Variants in SRL observed in about 807,000 individuals in gnomAD.
SRL encodes the protein sarcalumenin.
In SRL, 23 loss-of-function variants were observed where a neutral mutation model predicts 39.5. The observed-to-expected ratio is 0.58, with a 90% confidence interval of 0.42 to 0.82. The LOEUF is 0.82. SRL is among the 40% of genes least tolerant of loss of function. The pLI is 0.00. For missense variants in SRL, 592 were observed against 607.8 expected (o/e 0.97, Z 0.27); for synonymous variants, 272 against 237.4 (o/e 1.15, Z -1.34).
At chr16:4,213,406 T>TTTTCTTTTTCTTTTC (rs1175723411) in intron 1 of SRL, among the ~76,000 whole-genome samples, 1 of 114,054 alleles carries the variant, frequency 8.8e-6, no homozygotes, top group African/African-American at 4.0e-5. Context: ...TTCTTTTTCT[T>TTTTCTTTTTCTTTTC]TTTTTTTTTT....
chr16:4,228,749 AAAAG>A (rs1023346360), intron 1 of SRL, among the ~76,000 whole-genome samples: 5 of 151,988 alleles, frequency 3.3e-5, no homozygotes, highest in African/African-American at 9.7e-5. Context: ...AAAAAAGAAA[AAAAG>A]AAAGAAAAAG....
intron 1 of SRL, among the ~76,000 whole-genome samples, chr16:4,216,442 T>G (rs372269418): frequency 1.3e-5 from 2 of 152,150 alleles, no homozygotes; most frequent in East Asian, 1.9e-4. Flanking sequence ...CGGCTAATTT[T>G]TGTATTTTTT....
chr16:4,241,876 T>G, intron 1 of SRL, 131 bp downstream of exon 1: 1 of 932,664 alleles, frequency 1.1e-6, no homozygotes, highest in East Asian at 2.6e-5. Flanking sequence ...AAGAGAAGGG[T>G]AAGAAGACAC....
chr16:4,191,322 C>G lies in SRL; in HGVS notation c.*831G>C, dbSNP rs1412574633. On this transcript the variant is annotated 3_prime_UTR_variant, in exon 6 of 6. Transcript: ENST00000399609. ...CAAGTCCGGGGGATTGGCTCAAAAC[C>G]CAGGTGGAGGCCGGGTGCGGCAGCT... The G allele has an allele frequency of 1.3e-5, 2 of 152,482 alleles. No individual in the cohort carries two copies. Among genetic ancestry groups the G allele is most frequent in the African/African-American group, 4.8e-5 (2 of 41,434 alleles). The allele number at this position is 152,482 out of a possible 1,614,324, so 9.4% of individuals were successfully genotyped here. A position where few individuals can be genotyped will look rare whatever the true frequency, so the allele number is the denominator to read the frequency against.
intron 1 of SRL, among the ~76,000 whole-genome samples, chr16:4,224,994 G>A (rs79096728): frequency 0.034 from 5,242 of 152,262 alleles, 215 homozygotes; most frequent in African/African-American, 0.1. Context: ...CTGGACACAA[G>A]AGACCACATC....
At chr16:4,206,985 C>T (rs1194829242) in intron 1 of SRL, 1 of 455,270 alleles carries the variant, frequency 2.2e-6, no homozygotes, top group Non-Finnish European at 4.4e-6. Flanking sequence ...CTGTGGCGCT[C>T]CACCTTCCTG....
chr16:4,234,465 G>C (rs537051341), intron 1 of SRL, among the ~76,000 whole-genome samples: 306 of 152,302 alleles, frequency 2.0e-3, no homozygotes, highest in African/African-American at 6.9e-3. Flanking sequence ...CAAGGTAGGG[G>C]GGCAGCTGGG....
intron 1 of SRL, among the ~76,000 whole-genome samples, chr16:4,226,638 G>T (rs1039550414): frequency 2.0e-5 from 3 of 151,796 alleles, no homozygotes; most frequent in African/African-American, 7.3e-5. Context: ...TGGGTAGATG[G>T]ATGGAAGGAA....
intron 1 of SRL, among the ~76,000 whole-genome samples, chr16:4,213,404 C>CTTTTTCTTTT (rs1237775177): frequency 5.7e-5 from 4 of 69,584 alleles, no homozygotes; most frequent in African/African-American, 3.3e-4. Flanking sequence ...TTTTCTTTTT[C>CTTTTTCTTTT]TTTTTTTTTT....
At chr16:4,239,799 G>A (rs2052752987) in intron 1 of SRL, 1 of 152,282 alleles carries the variant, frequency 6.6e-6, no homozygotes, top group Admixed American at 6.5e-5. Context: ...CTGGATGGTG[G>A]GGAGACCGAT....
At chr16:4,213,404 C>CTTTTTCTTTTTTTT (rs1237775177) in intron 1 of SRL, among the ~76,000 whole-genome samples, 4 of 69,584 alleles carry the variant, frequency 5.7e-5, no homozygotes, top group African/African-American at 2.5e-4. Context: ...TTTTCTTTTT[C>CTTTTTCTTTTTTTT]TTTTTTTTTT....
intron 1 of SRL, chr16:4,239,699 GGA>G (rs2052751839): frequency 6.6e-6 from 1 of 152,384 alleles, no homozygotes; most frequent in Non-Finnish European, 1.5e-5. Flanking sequence ...GCTGAGGAAA[GGA>G]GAGGACCCTG....
chr16:4,227,056 A>ATGGACGGG (rs2052599540), intron 1 of SRL, among the ~76,000 whole-genome samples: 1 of 149,284 alleles, frequency 6.7e-6, no homozygotes, highest in East Asian at 2.0e-4. Flanking sequence ...GGATGAATGG[A>ATGGACGGG]TGGATGGATG....
In SRL at chr16:4,204,529, T is replaced by C. The variant is rs1032563358; in HGVS notation, c.163+4A>G. 2 of 1,498,872 alleles carry C rather than the reference T, an allele frequency of 1.3e-6. No homozygotes were observed. The highest frequency in any genetic ancestry group is 1.8e-6 in the Non-Finnish European group (2 of 1,114,116). 92.8% of individuals were successfully genotyped at this position (1,498,872 alleles called of 1,614,324 possible). A position where few individuals can be genotyped will look rare whatever the true frequency, so the allele number is the denominator to read the frequency against. On this transcript the variant is annotated splice_donor_region_variant and intron_variant, in intron 2 of 5. Transcript: ENST00000399609. ...CCCTGGGCATATCTCCCTCCCCTGG[T>C]TACCAGAGTAGTCATCGGATGGCTT...
intron 1 of SRL, among the ~76,000 whole-genome samples, chr16:4,238,135 G>A (rs542308146): frequency 3.3e-5 from 5 of 152,314 alleles, no homozygotes; most frequent in East Asian, 1.9e-4. Context: ...ACATACGAGC[G>A]ATGTTTACAG....
chr16:4,229,161 T>C (rs1202256039), intron 1 of SRL, among the ~76,000 whole-genome samples: 2 of 151,940 alleles, frequency 1.3e-5, no homozygotes, highest in East Asian at 3.9e-4. Context: ...AAAAAAATCA[T>C]GGCTGGGCGC....
rs747851990 is a variant in SRL, at chr16:4,192,456, T to C, written c.1119A>G (p.Glu373=). The C allele has an allele frequency of 6.2e-7, 1 of 1,614,208 alleles. No individual in the cohort carries two copies. The highest frequency in any genetic ancestry group is 8.5e-7 in the Non-Finnish European group (1 of 1,180,036). ...DGELVFKDIV[E]DPDKFYIFKT... ...TGAAGATGTAGAATTTATCGGGATC[T>C]TCCACAATGTCCTTAAAGACCAGTT... Residue 373 remains glutamate (E), a synonymous_variant, in exon 6 of 6, where the codon GAA becomes GAG. Transcript: ENST00000399609. The surrounding 1 kb of genome is among the most constrained non-coding windows in gnomAD (Gnocchi z 4.0).
At chr16:4,208,581 A>G (rs557039607) in intron 1 of SRL, among the ~76,000 whole-genome samples, 2 of 152,230 alleles carry the variant, frequency 1.3e-5, no homozygotes, top group South Asian at 2.1e-4. Flanking sequence ...GGCAGTTCCT[A>G]CTGTCATTAA....
rs1388960368 is a variant in SRL, at chr16:4,204,941, C to T, written c.62-307G>A. 3.3e-5 allele frequency among the ~76,000 whole-genome samples: 5 copies of T among 152,318 alleles called. No homozygotes were observed. The East Asian group carries it at 7.7e-4, about 24-fold the overall frequency. On this transcript the variant is annotated intron_variant, in intron 1 of 5. Transcript: ENST00000399609. The stretch of plus-strand genomic sequence containing the variant: ...CTTCGCCACGCCAGGCACTGAGCAT[C>T]ATGCTGGGAATACAGTGGTGCCCAA...
Sources: gnomAD v4.1 joint callset for allele counts (sites outside exome capture counted in the v4.1 genomes callset) on GRCh38, gnomAD v4.1.1 for gene constraint, Gnocchi (gnomAD v3.1) non-coding constraint, MANE v1.5 for transcripts, NCBI Gene and HGNC (gene_info 2026-07-23, HGNC 2026-07-21) for gene names.